Variants in PARPBP observed in about 807,000 individuals in gnomAD.
PARPBP encodes the protein PCNA-interacting partner.
Under a neutral mutation model 50.0 loss-of-function variants are expected in PARPBP, and 52 were observed. That is an observed-to-expected ratio of 1.04 (90% CI 0.83 to 1.31). The LOEUF (loss-of-function observed/expected upper bound fraction) is 1.31. Ranked by LOEUF, PARPBP falls within the 50% of genes most tolerant of loss-of-function variation. The pLI is 0.00. For synonymous variants in PARPBP, 244 were observed against 232.1 expected (o/e 1.05, Z -0.47); for missense variants, 697 against 672.0 (o/e 1.04, Z -0.41).
chr12:102,179,744 C>T (rs931922053), intron 8 of PARPBP, among the ~76,000 whole-genome samples: 1 of 152,164 alleles, frequency 6.6e-6, no homozygotes, highest in African/African-American at 2.4e-5. Flanking sequence ...GCAGTTTCAT[C>T]TATAGTAGAT....
Position 102,165,770 on chromosome 12 carries a change from A to G in PARPBP, c.708A>G (p.Lys236=). The change falls in exon 6 of 11, where the codon AAA becomes AAG. Residue 236 remains lysine (K), a synonymous_variant. Transcript: ENST00000327680. ...TTAGAACAATAGAGCTTGGAGGGAA[A>G]GGATATGCACCACCACCATCAGATC... ...SFIRTIELGG[K]GYAPPPSDPL... 2 of 1,609,128 alleles carry G rather than the reference A, an allele frequency of 1.2e-6. No individual in the cohort carries two copies. Among genetic ancestry groups the G allele is most frequent in the South Asian group, 2.2e-5 (2 of 90,332 alleles).
intron 8 of PARPBP, among the ~76,000 whole-genome samples, chr12:102,179,748 A>G (rs937593410): frequency 6.6e-6 from 1 of 152,198 alleles, no homozygotes; most frequent in Non-Finnish European, 1.5e-5. Context: ...TTTCATCTAT[A>G]GTAGATGCTC....
chr12:102,195,170 G>A, intron 9 of PARPBP, 142 bp from the exon 10 acceptor site: 2 of 470,254 alleles, frequency 4.3e-6, no homozygotes, highest in Non-Finnish European at 7.3e-6. Flanking sequence ...AATATAAAAG[G>A]TTAGAGAGAG....
intron 4 of PARPBP, among the ~76,000 whole-genome samples, chr12:102,155,597 G>T (rs1028261739): frequency 1.8e-5 from 2 of 112,430 alleles, no homozygotes; most frequent in South Asian, 3.6e-4. Context: ...AGCATGGTGG[G>T]GGGGGGGGGC....
intron 3 of PARPBP, among the ~76,000 whole-genome samples, chr12:102,153,247 C>CT: frequency 6.6e-6 from 1 of 152,246 alleles, no homozygotes; most frequent in South Asian, 2.1e-4. Context: ...CCCCTCACTC[C>CT]TTCTTCCAAA....
At chr12:102,154,857 G>A (rs768686871) in intron 4 of PARPBP, 10 of 454,684 alleles carry the variant, frequency 2.2e-5, no homozygotes, top group Non-Finnish European at 3.5e-5. Flanking sequence ...ATAACTGAGA[G>A]TCTAGCACCT....
intron 2 of PARPBP, among the ~76,000 whole-genome samples, chr12:102,130,593 C>T (rs1882692280): frequency 6.6e-6 from 1 of 152,148 alleles, no homozygotes; most frequent in South Asian, 2.1e-4. Flanking sequence ...GTGGCTTACT[C>T]ATGTAATCTG....
intron 2 of PARPBP, among the ~76,000 whole-genome samples, chr12:102,135,418 G>A (rs554041576): frequency 2.0e-5 from 3 of 151,588 alleles, no homozygotes; most frequent in Non-Finnish European, 4.4e-5. Context: ...GGTGGCAGGC[G>A]CCTGTAGTTC....
chr12:102,168,485 C>CT lies in PARPBP; in HGVS notation c.821+2608dup, dbSNP rs1005259141. On this transcript the variant is annotated intron_variant, in intron 6 of 10. Transcript: ENST00000327680. ...AGTCCACTTGAGCAATTTTTGTTAT[C>CT]TTTTTTGTGTTGATTTGTTTGTTTA... Among the ~76,000 whole-genome samples, 4 of 152,118 alleles carry CT rather than the reference C, an allele frequency of 2.6e-5. No homozygotes were observed. The South Asian group carries it at 8.3e-4, about 32-fold the overall frequency.
At chr12:102,195,542 C>A in intron 10 of PARPBP, 95 bp downstream of exon 10, 1 of 917,060 alleles carries the variant, frequency 1.1e-6, no homozygotes, top group Non-Finnish European at 1.7e-6. Context: ...TTGCAAAGTA[C>A]TATGAAATGT....
chr12:102,153,065 A>T (rs1272516228), intron 3 of PARPBP, among the ~76,000 whole-genome samples: 2 of 152,168 alleles, frequency 1.3e-5, no homozygotes, highest in Non-Finnish European at 2.9e-5. Context: ...ACAAAAGCAG[A>T]TAGCACCGTT....
At chr12:102,180,567 G>A (rs1889726574) in intron 8 of PARPBP, among the ~76,000 whole-genome samples, 1 of 152,258 alleles carries the variant, frequency 6.6e-6, no homozygotes, top group Middle Eastern at 3.4e-3. Context: ...ACCCAGTGTG[G>A]TGGTGCATGC....
chr12:102,143,288 G>T (rs1489884766), intron 2 of PARPBP, among the ~76,000 whole-genome samples: 4 of 152,194 alleles, frequency 2.6e-5, no homozygotes, highest in Non-Finnish European at 5.9e-5. Context: ...TCTTAGCAAG[G>T]AGCAGGATAT....
Position 102,197,270 on chromosome 12 carries a change from T to G in PARPBP, c.*979T>G, listed in dbSNP as rs913022723. 2 of 1,047,140 alleles carry G rather than the reference T, an allele frequency of 1.9e-6. No homozygotes were observed. Among genetic ancestry groups the G allele is most frequent in the Non-Finnish European group, 2.8e-6 (2 of 723,498 alleles). 64.9% of individuals were successfully genotyped at this position (1,047,140 alleles called of 1,614,324 possible). A position where few individuals can be genotyped will look rare whatever the true frequency, so the allele number is the denominator to read the frequency against. On this transcript the variant is annotated 3_prime_UTR_variant, in exon 11 of 11. Transcript: ENST00000327680. Reference sequence around the variant, plus strand: ...CTTGTTGATCAATTCAAAGTTACTCTGCACTGTTTTTGACTTTTTAAAAAT... The same window carrying G: ...CTTGTTGATCAATTCAAAGTTACTCGGCACTGTTTTTGACTTTTTAAAAAT...
At chr12:102,127,994 T>C (rs1192025590) in intron 2 of PARPBP, among the ~76,000 whole-genome samples, 2 of 152,252 alleles carry the variant, frequency 1.3e-5, no homozygotes, top group Non-Finnish European at 2.9e-5. Context: ...CAAATTAATA[T>C]GCATTACCTC....
intron 2 of PARPBP, among the ~76,000 whole-genome samples, chr12:102,146,374 G>A (rs1435808325): frequency 6.6e-6 from 1 of 152,112 alleles, no homozygotes; most frequent in Non-Finnish European, 1.5e-5. Flanking sequence ...CAGAGATATA[G>A]ATCAATGGAA....
At chr12:102,132,210 C>CAA (rs202066385) in intron 2 of PARPBP, among the ~76,000 whole-genome samples, 20 of 104,344 alleles carry the variant, frequency 1.9e-4, no homozygotes, top group African/African-American at 4.1e-4. Flanking sequence ...GACCCTGTCT[C>CAA]AAAAAAAAAA....
chr12:102,186,041 A>C (rs1323569477), intron 9 of PARPBP, among the ~76,000 whole-genome samples: 1 of 152,116 alleles, frequency 6.6e-6, no homozygotes, highest in Non-Finnish European at 1.5e-5. Flanking sequence ...CAATCTTGGT[A>C]GATTGTGTAT....
At chr12:102,181,308 T>G (rs1594612132) in intron 8 of PARPBP, among the ~76,000 whole-genome samples, 1 of 152,176 alleles carries the variant, frequency 6.6e-6, no homozygotes, top group Admixed American at 6.6e-5. Flanking sequence ...ATTCTCAGAA[T>G]AGAAATAATG....
Sources: allele counts gnomAD v4.1 joint callset (sites outside exome capture counted in the v4.1 genomes callset), GRCh38; gene constraint gnomAD v4.1.1; transcripts MANE v1.5; gene names NCBI Gene and HGNC (gene_info 2026-07-23, HGNC 2026-07-21).